Variants in UGT1A8 observed in about 807,000 individuals in gnomAD.
UGT1A8 encodes UDP glucuronosyltransferase family 1 member A8, also known as UDP-glucuronosyltransferase 1A8.
A neutral mutation model predicts 45.3 loss-of-function variants in UGT1A8; 39 were observed. The ratio of observed to expected loss-of-function variants is 0.86; its 90% CI spans 0.67 to 1.12. The LOEUF (loss-of-function observed/expected upper bound fraction) is 1.12, where lower values mean the gene tolerates loss of function less well. Ranked by LOEUF, UGT1A8 falls within the 50% of genes most tolerant of loss-of-function variation. The pLI is 0.00. For missense variants in UGT1A8, 719 were observed against 664.9 expected, an observed-to-expected ratio of 1.08 and a Z score of -0.90; for synonymous variants, 275 against 249.2, an observed-to-expected ratio of 1.10 and a Z score of -0.97.
intron 1 of UGT1A8, among the ~76,000 whole-genome samples, chr2:233,716,738 T>C (rs764631282): frequency 1.3e-5 from 2 of 152,172 alleles, no homozygotes; most frequent in Non-Finnish European, 2.9e-5. Context: ...TTTAGCTCTG[T>C]GAGATTGGGA....
At chr2:233,761,055 T>G (rs1559407933) in intron 1 of UGT1A8, 1 of 1,614,230 alleles carries the variant, frequency 6.2e-7, no homozygotes, top group East Asian at 2.2e-5. Context: ...TCTGGCTGTT[T>G]AGAAGTGACT....
chr2:233,755,791 C>T (rs1696023449), intron 1 of UGT1A8: 1 of 152,494 alleles, frequency 6.6e-6, no homozygotes, highest in Admixed American at 6.5e-5. Flanking sequence ...ATCATATGTA[C>T]TGCATTAGAG....
chr2:233,769,877 A>C lies in UGT1A8; in HGVS notation c.1295+1438A>C, dbSNP rs890697630. 4.7e-6 allele frequency: 2 copies of C among 421,450 alleles called. No homozygotes were observed. The highest frequency in any genetic ancestry group is 2.0e-5 in the African/African-American group (1 of 48,974). 26.1% of individuals were successfully genotyped at this position (421,450 alleles called of 1,614,324 possible). A position where few individuals can be genotyped will look rare whatever the true frequency, so the allele number is the denominator to read the frequency against. ...TGTCTCAAAAAAAAAAAAAAAAATG[A>C]AAAGTCCACATAACCTGAGCATCAT... is the stretch of plus-strand genomic sequence containing the variant. On this transcript the variant is annotated intron_variant, in intron 4 of 4. Transcript: ENST00000373450. This position sits in a 1 kb window ranked among gnomAD's most constrained non-coding sequence, Gnocchi z 4.4.
chr2:233,645,992 T>A (rs2073592376), intron 1 of UGT1A8, among the ~76,000 whole-genome samples: 1 of 152,224 alleles, frequency 6.6e-6, no homozygotes, highest in Non-Finnish European at 1.5e-5. Flanking sequence ...AGCAAACTTC[T>A]TTCTGGACAT....
intron 1 of UGT1A8, among the ~76,000 whole-genome samples, chr2:233,696,312 G>A (rs1281936053): frequency 6.6e-6 from 1 of 152,138 alleles, no homozygotes; most frequent in African/African-American, 2.4e-5. Flanking sequence ...TATATATTTG[G>A]TCTTCATCCT....
chr2:233,738,642 C>A (rs182421853), intron 1 of UGT1A8, among the ~76,000 whole-genome samples: 1 of 152,330 alleles, frequency 6.6e-6, no homozygotes, highest in East Asian at 1.9e-4. Context: ...TGCCCTAGAG[C>A]TCTTTGGAAC....
chr2:233,743,543 C>A (rs1253470461), intron 1 of UGT1A8: 2 of 1,367,070 alleles, frequency 1.5e-6, no homozygotes, highest in Admixed American at 3.8e-5. Flanking sequence ...TTCCTCTGAC[C>A]CCCCCAAAAT....
chr2:233,711,968 G>T (rs545483514), intron 1 of UGT1A8, among the ~76,000 whole-genome samples: 6 of 152,338 alleles, frequency 3.9e-5, no homozygotes, highest in African/African-American at 1.4e-4. Flanking sequence ...TTTGAAATTT[G>T]AACTAGAGCC....
intron 1 of UGT1A8, among the ~76,000 whole-genome samples, chr2:233,709,576 A>C (rs180747204): frequency 4.7e-4 from 71 of 152,336 alleles, no homozygotes; most frequent in Admixed American, 1.4e-3. Context: ...TAAAATTCAA[A>C]AAATATACCA....
chr2:233,718,474 A>G (rs1284319219), intron 1 of UGT1A8, among the ~76,000 whole-genome samples: 1 of 152,230 alleles, frequency 6.6e-6, no homozygotes, highest in Admixed American at 6.5e-5. Context: ...CTGCAGCCTG[A>G]TAAATATGGT....
chr2:233,705,657 A>C (rs2075863196), intron 1 of UGT1A8, among the ~76,000 whole-genome samples: 1 of 152,176 alleles, frequency 6.6e-6, no homozygotes, highest in South Asian at 2.1e-4. Context: ...CTTCTCATAA[A>C]TTATAGTTGT....
chr2:233,729,276 G>C (rs765243640), intron 1 of UGT1A8: 57 of 1,614,114 alleles, frequency 3.5e-5, no homozygotes, highest in African/African-American at 5.3e-5. Flanking sequence ...TCTTGCGGGA[G>C]CTCCATGCCA....
rs181518181 is a variant in UGT1A8 at position 233,744,372 on chromosome 2, A to G, written c.856-22662A>G. ...AAGACATCCTGTTGTTTAGGACTGC[A>G]GTTCTCCAACGTTCCAGCCCCGGTG... On this transcript the variant is annotated intron_variant, in intron 1 of 4. Transcript: ENST00000373450. Among the ~76,000 whole-genome samples the G allele has an allele frequency of 2.4e-4, 37 of 152,006 alleles. 1 individual carries two copies. Among genetic ancestry groups the G allele is most frequent in the South Asian group, 4.1e-4 (2 of 4,828 alleles).
chr2:233,692,974 T>C, intron 1 of UGT1A8: 1 of 1,612,390 alleles, frequency 6.2e-7, no homozygotes, highest in South Asian at 1.1e-5. Flanking sequence ...GAAAACTCTT[T>C]ATTACCGTTG....
intron 1 of UGT1A8, among the ~76,000 whole-genome samples, chr2:233,716,657 G>A (rs533610876): frequency 4.6e-5 from 7 of 152,220 alleles, no homozygotes; most frequent in Non-Finnish European, 7.4e-5. Flanking sequence ...TGTACCCTAA[G>A]GAAGCTTTGT....
chr2:233,756,190 G>A (rs1012891343), intron 1 of UGT1A8: 15 of 152,208 alleles, frequency 9.9e-5, no homozygotes, highest in African/African-American at 3.4e-4. Flanking sequence ...CGCTAGTCTA[G>A]CAGAGTAGTC....
chr2:233,739,406 C>T (rs1344467177), intron 1 of UGT1A8, among the ~76,000 whole-genome samples: 1 of 152,190 alleles, frequency 6.6e-6, no homozygotes, highest in Non-Finnish European at 1.5e-5. Context: ...CAATGCCACC[C>T]TCTGAAAGCA....
chr2:233,712,607 G>C (rs151006364), intron 1 of UGT1A8, among the ~76,000 whole-genome samples: 72 of 152,282 alleles, frequency 4.7e-4, no homozygotes, highest in African/African-American at 1.6e-3. Flanking sequence ...TGGGGACTAG[G>C]GCAATGGTGA....
Position 233,617,839 on chromosome 2 carries a change from G to T in UGT1A8, c.132G>T (p.Val44=), listed in dbSNP as rs751306981. ...GTCACTGGTTCACCATGCAGTCGGT[G>T]GTGGAGAAACTTATCCTCAGGGGGC... The part of the protein sequence containing the change: ...DGSHWFTMQS[V]VEKLILRGHE... Residue 44 remains valine (V), a synonymous_variant, in exon 1 of 5, where the codon GTG becomes GTT. Coordinates refer to ENST00000373450, the MANE Select transcript of UGT1A8 (RefSeq NM_019076.5). The T allele has an allele frequency of 3.7e-6, 6 of 1,614,096 alleles. No individual in the cohort carries two copies. In the South Asian group the frequency reaches 6.6e-5, roughly 18 times the overall value.
Sources: allele counts gnomAD v4.1 joint callset (sites outside exome capture counted in the v4.1 genomes callset), GRCh38; gene constraint gnomAD v4.1.1; non-coding constraint Gnocchi (gnomAD v3.1); transcripts MANE v1.5; gene names NCBI Gene and HGNC (gene_info 2026-07-23, HGNC 2026-07-21).